Variants in CTDP1 observed in about 807,000 individuals in gnomAD.
CTDP1 encodes the protein CTD phosphatase 1, also known as RNA polymerase II subunit A C-terminal domain phosphatase.
A neutral mutation model predicts 91.8 loss-of-function variants in CTDP1; 47 were observed. The ratio of observed to expected loss-of-function variants is 0.51; its 90% CI spans 0.41 to 0.65. The LOEUF is 0.65. Ranked by LOEUF, CTDP1 falls within the 30% of genes least tolerant of loss-of-function variation. The pLI is 0.00. For missense variants in CTDP1, 1,272 were observed against 1,373.7 expected (o/e 0.93, Z 1.17); for synonymous variants, 656 against 598.5 (o/e 1.10, Z -1.40).
chr18:79,679,980 C>T lies in CTDP1; in HGVS notation c.33C>T (p.Ala11=). The change falls in exon 1 of 13, where the codon GCC becomes GCT. Residue 11 remains alanine (A), a synonymous_variant. Coordinates refer to ENST00000613122, the MANE Select transcript of CTDP1 (RefSeq NM_004715.5). ...TGCCGGCCGCGGGTCGCGTTCCTGC[C>T]GAGGGCGCCCCGACGGCGGCTGTGG... MEVPAAGRVP[A]EGAPTAAVAE... The T allele has an allele frequency of 1.5e-6, 2 of 1,354,946 alleles. No individual in the cohort carries two copies. Among genetic ancestry groups the T allele is most frequent in the Admixed American group, 3.1e-5 (1 of 32,126 alleles). The allele number at this position is 1,354,946 out of a possible 1,614,324, so 83.9% of individuals were successfully genotyped here. A position where few individuals can be genotyped will look rare whatever the true frequency, so the allele number is the denominator to read the frequency against.
chr18:79,735,468 CTCCGACGTGA>C (rs2122777117), intron 11 of CTDP1: 1 of 152,616 alleles, frequency 6.6e-6, no homozygotes, highest in South Asian at 2.1e-4. Context: ...GCCAACACCA[CTCCGACGTGA>C]TCCATGCTGG....
intron 10 of CTDP1, among the ~76,000 whole-genome samples, chr18:79,727,298 T>C (rs967389820): frequency 2.0e-5 from 3 of 152,350 alleles, no homozygotes; most frequent in Non-Finnish European, 4.4e-5. Flanking sequence ...TGTACGTACA[T>C]GGGTGTTTCA....
intron 10 of CTDP1, among the ~76,000 whole-genome samples, chr18:79,727,235 A>T (rs2086467316): frequency 6.6e-6 from 1 of 152,232 alleles, no homozygotes; most frequent in Non-Finnish European, 1.5e-5. Context: ...AGTTTAAAAT[A>T]ACAGTGCAGT....
intron 10 of CTDP1, among the ~76,000 whole-genome samples, chr18:79,721,558 C>T (rs1052186593): frequency 2.5e-4 from 38 of 152,182 alleles, no homozygotes; most frequent in African/African-American, 8.9e-4. Context: ...ATCAGTACTG[C>T]GAACAGCACC....
At chr18:79,694,098 G>A (rs577008728) in intron 1 of CTDP1, among the ~76,000 whole-genome samples, 14 of 151,762 alleles carry the variant, frequency 9.2e-5, no homozygotes, top group South Asian at 8.3e-4. Flanking sequence ...TGCAGCTTGG[G>A]TGGCTGTCTC....
At chr18:79,676,947 A>G (rs1389304581), upstream of CTDP1, among the ~76,000 whole-genome samples, 1 of 152,228 alleles carries the variant, frequency 6.6e-6, no homozygotes, top group Non-Finnish European at 1.5e-5. Context: ...GGAAGACTAC[A>G]TGGCATCTAT....
At chr18:79,679,380 A>G (rs189333321), upstream of CTDP1, 4 of 454,110 alleles carry the variant, frequency 8.8e-6, no homozygotes, top group African/African-American at 6.0e-5. Flanking sequence ...TAGTCCCGCG[A>G]CGTTGCGACT....
upstream of CTDP1, chr18:79,677,347 AG>A (rs2085267373): frequency 6.6e-6 from 1 of 152,280 alleles, no homozygotes; most frequent in African/African-American, 2.4e-5. Flanking sequence ...CCCTCAAACC[AG>A]AATAGGCTCA....
chr18:79,684,595 C>T (rs1019348199), intron 1 of CTDP1, among the ~76,000 whole-genome samples: 3 of 147,150 alleles, frequency 2.0e-5, no homozygotes, highest in Admixed American at 6.6e-5. Flanking sequence ...AAGGTGGGTC[C>T]GTGCCCTCGT....
chr18:79,698,901 C>CATA (rs2085801222), intron 4 of CTDP1, among the ~76,000 whole-genome samples: 1 of 152,208 alleles, frequency 6.6e-6, no homozygotes, highest in African/African-American at 2.4e-5. Flanking sequence ...AGATTGATGA[C>CATA]AGTTACACAT....
chr18:79,730,979 C>G (rs1224509034), intron 11 of CTDP1, among the ~76,000 whole-genome samples: 2 of 152,224 alleles, frequency 1.3e-5, no homozygotes, highest in Non-Finnish European at 2.9e-5. Flanking sequence ...CCTCGTCTCA[C>G]ATGTGTCCCT....
chr18:79,735,227 G>T (rs1258236318), intron 11 of CTDP1, among the ~76,000 whole-genome samples: 1 of 152,214 alleles, frequency 6.6e-6, no homozygotes, highest in East Asian at 1.9e-4. Context: ...CTGCTGCGGG[G>T]GTGGGGTTAG....
chr18:79,695,203 T>C, intron 1 of CTDP1, 22 bp from the exon 2 acceptor site: 2 of 1,610,722 alleles, frequency 1.2e-6, no homozygotes, highest in South Asian at 2.2e-5. Context: ...TAAAGTGTTG[T>C]TCCCCTTGTG....
chr18:79,734,470 G>A (rs1310138247), intron 11 of CTDP1, among the ~76,000 whole-genome samples: 1 of 152,252 alleles, frequency 6.6e-6, no homozygotes, highest in Non-Finnish European at 1.5e-5. Context: ...TTTCTGGCTT[G>A]GCTGTGCAAA....
intron 8 of CTDP1, 105 bp from the exon 9 acceptor site, chr18:79,717,430 C>T (rs2086237363): frequency 6.5e-7 from 1 of 1,534,074 alleles, no homozygotes; most frequent in Non-Finnish European, 8.9e-7. Context: ...GCCCTGAGCC[C>T]TGGTGGGGTA....
upstream of CTDP1, chr18:79,679,478 G>T (rs1193479749): frequency 4.4e-6 from 2 of 456,688 alleles, no homozygotes; most frequent in Non-Finnish European, 8.8e-6. Context: ...GCGCGTGATG[G>T]GGTAATGGCA....
Position 79,736,491 on chromosome 18 carries a change from AGAGGAGCGC to A in CTDP1, c.2719_2727del (p.Arg907_Ala909del). 1 of 1,547,376 alleles carries A rather than the reference AGAGGAGCGC, an allele frequency of 6.5e-7. No homozygotes were observed. Among genetic ancestry groups the A allele is most frequent in the African/African-American group, 1.4e-5 (1 of 73,054 alleles). ...ACGCTCGGGGCACCTGCGTCCAGCGAGAGGAGCGCGGCAGGGGGCCGGGGGCCCAGGTGA... is the reference window on the plus strand; with the variant it reads ...ACGCTCGGGGCACCTGCGTCCAGCGAGGCAGGGGGCCGGGGGCCCAGGTGA... On this transcript the variant is annotated inframe_deletion, in exon 12 of 13. Coordinates refer to ENST00000613122, the MANE Select transcript of CTDP1 (RefSeq NM_004715.5).
At chr18:79,747,989 T>C (rs1392062980) in intron 12 of CTDP1, among the ~76,000 whole-genome samples, 1 of 152,220 alleles carries the variant, frequency 6.6e-6, no homozygotes. Flanking sequence ...ATATATATTA[T>C]TCTGTTTGTA....
chr18:79,707,829 G>A (rs924044351), intron 5 of CTDP1, among the ~76,000 whole-genome samples: 7 of 152,144 alleles, frequency 4.6e-5, no homozygotes, highest in Non-Finnish European at 7.3e-5. Flanking sequence ...TGAGGTGGTC[G>A]CCGAGCATCT....
Sources: gnomAD v4.1 joint callset for allele counts (sites outside exome capture counted in the v4.1 genomes callset) on GRCh38, gnomAD v4.1.1 for gene constraint, MANE v1.5 for transcripts, NCBI Gene and HGNC (gene_info 2026-07-23, HGNC 2026-07-21) for gene names.